The following NBEAL1 variants were observed in gnomAD, a reference collection of about 807,000 sequenced individuals.
NBEAL1 encodes neurobeachin-like protein 1.
Under a neutral mutation model 351.3 loss-of-function variants are expected in NBEAL1, and 273 were observed. The ratio of observed to expected loss-of-function variants is 0.78; its 90% CI spans 0.70 to 0.86. The LOEUF is 0.86. Ranked by LOEUF, NBEAL1 falls within the 40% of genes least tolerant of loss-of-function variation. The probability of loss-of-function intolerance (pLI) is 0.00; values close to 1 mark genes in which losing one functional copy is unlikely to be tolerated. For missense variants in NBEAL1, 2,961 were observed against 3,201.3 expected, an observed-to-expected ratio of 0.92 and a Z score of 1.81; for synonymous variants, 1,050 against 1,086.4, an observed-to-expected ratio of 0.97 and a Z score of 0.66.
chr2:203,084,178 TTTAGAAGTAAAACGTTTTCA>T (rs2061923666), intron 9 of NBEAL1, among the ~76,000 whole-genome samples: 1 of 152,158 alleles, frequency 6.6e-6, no homozygotes, highest in Non-Finnish European at 1.5e-5. Context: ...GATAGTTCCT[TTTAGAAGTAAAACGTTTTCA>T]TTAGAGCTAA....
intron 44 of NBEAL1, among the ~76,000 whole-genome samples, chr2:203,184,729 A>G (rs941354896): frequency 3.3e-5 from 5 of 151,838 alleles, no homozygotes; most frequent in Non-Finnish European, 1.5e-5. Flanking sequence ...CCTTAACCCT[A>G]TGCATGAATA....
intron 41 of NBEAL1, among the ~76,000 whole-genome samples, chr2:203,173,855 G>A (rs1276128247): frequency 1.3e-5 from 2 of 152,026 alleles, no homozygotes; most frequent in Admixed American, 6.6e-5. Context: ...GAATATTAAT[G>A]AGTAGTATGT....
rs1385106269 is a variant in NBEAL1, at chr2:203,221,906, A to G, written c.*4552A>G. On this transcript the variant is annotated 3_prime_UTR_variant, in exon 56 of 56. Coordinates refer to ENST00000683969, the MANE Select transcript of NBEAL1 (RefSeq NM_001378026.1). The stretch of plus-strand genomic sequence containing the variant: ...AGCCTGCCTTCTTTAGTTTAAATCT[A>G]GGCCAAGCATGGTGGCTCATGCCTA... Among the ~76,000 whole-genome samples, 1 of 152,200 alleles carries G rather than the reference A, an allele frequency of 6.6e-6. No individual in the cohort carries two copies. Among genetic ancestry groups the G allele is most frequent in the Non-Finnish European group, 1.5e-5 (1 of 68,028 alleles).
chr2:203,160,665 A>G (rs10172342), intron 36 of NBEAL1, among the ~76,000 whole-genome samples: 41,523 of 152,008 alleles, frequency 0.27, 6,149 homozygotes, highest in East Asian at 0.53. Flanking sequence ...ACTGTAGCCA[A>G]TCTGGCTTCT....
chr2:203,071,310 C>T (rs1410779663), intron 7 of NBEAL1, among the ~76,000 whole-genome samples: 2 of 152,150 alleles, frequency 1.3e-5, no homozygotes, highest in Non-Finnish European at 2.9e-5. Flanking sequence ...TGCAGATAGT[C>T]ACCTTCTTGC....
intron 6 of NBEAL1, among the ~76,000 whole-genome samples, chr2:203,067,727 A>G (rs1008553804): frequency 1.3e-5 from 2 of 152,174 alleles, no homozygotes; most frequent in African/African-American, 2.4e-5. Flanking sequence ...TTCACCATCT[A>G]CTAGTTGGAA....
At chr2:203,060,578 T>C (rs1202429079) in intron 6 of NBEAL1, among the ~76,000 whole-genome samples, 1 of 152,220 alleles carries the variant, frequency 6.6e-6, no homozygotes, top group Non-Finnish European at 1.5e-5. Flanking sequence ...TTTTACTAAT[T>C]TAATTTTTTA....
intron 51 of NBEAL1, among the ~76,000 whole-genome samples, chr2:203,205,365 G>A (rs564517797): frequency 6.6e-6 from 1 of 152,222 alleles, no homozygotes; most frequent in South Asian, 2.1e-4. Context: ...AGGTCAGTGT[G>A]TATTTTCTGA....
intron 54 of NBEAL1, among the ~76,000 whole-genome samples, chr2:203,213,121 A>C (rs2105856983): frequency 6.6e-6 from 1 of 152,344 alleles, no homozygotes; most frequent in East Asian, 1.9e-4. Context: ...CGTAAAGACT[A>C]TTTACCTTAG....
intron 50 of NBEAL1, 52 bp downstream of exon 50, chr2:203,201,767 A>G (rs771029595): frequency 3.4e-6 from 5 of 1,451,556 alleles, no homozygotes; most frequent in Non-Finnish European, 3.7e-6. Context: ...TTTTTTTCTT[A>G]AGTATAAAAG....
intron 12 of NBEAL1, among the ~76,000 whole-genome samples, chr2:203,105,304 A>C (rs2062411048): frequency 6.6e-6 from 1 of 151,966 alleles, no homozygotes; most frequent in Non-Finnish European, 1.5e-5. Flanking sequence ...CTACTAAAAA[A>C]AAAATACAAA....
intron 2 of NBEAL1, among the ~76,000 whole-genome samples, chr2:203,018,271 G>C (rs376631787): frequency 2.8e-5 from 1 of 35,552 alleles, no homozygotes; most frequent in Non-Finnish European, 8.8e-5. Context: ...AACTTTTAAG[G>C]CTTTTTTTTT....
intron 6 of NBEAL1, among the ~76,000 whole-genome samples, chr2:203,066,557 C>T (rs573081494): frequency 4.6e-5 from 7 of 152,300 alleles, no homozygotes; most frequent in South Asian, 2.1e-4. Flanking sequence ...AAACCGCCAT[C>T]GTCATCATGG....
chr2:203,160,243 G>A (rs892630208), intron 36 of NBEAL1, among the ~76,000 whole-genome samples: 3 of 151,838 alleles, frequency 2.0e-5, no homozygotes, highest in Non-Finnish European at 2.9e-5. Flanking sequence ...CCATGCTCCC[G>A]CTAATTTTTG....
intron 51 of NBEAL1, among the ~76,000 whole-genome samples, chr2:203,206,764 C>G (rs577418579): frequency 6.6e-6 from 1 of 151,846 alleles, no homozygotes; most frequent in Non-Finnish European, 1.5e-5. Flanking sequence ...GATCTCGGCT[C>G]GGTACAACAT....
intron 17 of NBEAL1, among the ~76,000 whole-genome samples, chr2:203,115,130 CT>C (rs879546697): frequency 0.034 from 4,509 of 132,810 alleles, 101 homozygotes; most frequent in African/African-American, 0.076. Flanking sequence ...TAATTTCTTT[CT>C]TTTTTTTTTT....
chr2:203,137,544 A>C (rs1263262859), intron 29 of NBEAL1, among the ~76,000 whole-genome samples: 1 of 152,230 alleles, frequency 6.6e-6, no homozygotes, highest in Non-Finnish European at 1.5e-5. Flanking sequence ...TAAAGAAACT[A>C]ATTTAAGTAT....
chr2:203,125,475 C>T lies in NBEAL1; in HGVS notation c.2806C>T (p.Pro936Ser). Residue 936 changes from proline (P) to serine (S), a missense_variant, in exon 20 of 56, where the codon CCT (proline) becomes TCT (serine). Transcript: ENST00000683969. ...NESTVPESVT[P>S]VEGDWLVWTS... Reference sequence around the variant, plus strand: ...AAGCACAGTTCCTGAATCAGTAACACCTGTTGAAGGAGATTGGCTCGTATG... The same window carrying T: ...AAGCACAGTTCCTGAATCAGTAACATCTGTTGAAGGAGATTGGCTCGTATG... The T allele has an allele frequency of 1.3e-6, 2 of 1,541,564 alleles. No individual in the cohort carries two copies. The highest frequency in any genetic ancestry group is 1.8e-6 in the Non-Finnish European group (2 of 1,142,766).
At chr2:203,190,413 G>C (rs2065037613) in intron 46 of NBEAL1, 24 bp downstream of exon 46, 1 of 1,511,712 alleles carries the variant, frequency 6.6e-7, no homozygotes, top group African/African-American at 1.4e-5. Context: ...TTAAGAAGTA[G>C]ATTTAAGTCA....
Sources: gnomAD v4.1 joint callset for allele counts (sites outside exome capture counted in the v4.1 genomes callset) on GRCh38, gnomAD v4.1.1 for gene constraint, MANE v1.5 for transcripts, NCBI Gene and HGNC (gene_info 2026-07-23, HGNC 2026-07-21) for gene names.